Variants in C1orf21 observed in about 807,000 individuals in gnomAD.
C1orf21 encodes chromosome 1 open reading frame 21.
In C1orf21, 3 loss-of-function variants were observed where a neutral mutation model predicts 18.7. That is an observed-to-expected ratio of 0.16 (90% CI 0.07 to 0.42). The LOEUF (loss-of-function observed/expected upper bound fraction) is 0.42, where lower values mean the gene tolerates loss of function less well. C1orf21 is among the 10% of genes least tolerant of loss of function. C1orf21 has a pLI of 0.99. For synonymous variants in C1orf21, 41 were observed against 46.4 expected, an observed-to-expected ratio of 0.88 and a Z score of 0.47; for missense variants, 104 against 143.6, an observed-to-expected ratio of 0.72 and a Z score of 1.41.
rs541224230 is a variant in C1orf21, at chr1:184,567,637, G to A, written c.190-23102G>A. 376 of 419,926 alleles carry A rather than the reference G, an allele frequency of 9.0e-4. 1 individual carries two copies. Among genetic ancestry groups the A allele is most frequent in the Middle Eastern group, 2.3e-3 (3 of 1,326 alleles). The allele number at this position is 419,926 out of a possible 1,614,324, so 26.0% of individuals were successfully genotyped here. On this transcript the variant is annotated intron_variant, in intron 3 of 5. Transcript: ENST00000235307. ...GGCAGTGGAGGATGCTAGGCAGACT[G>A]CAGCCTACAATGGCATCACCAGCTT... is the stretch of plus-strand genomic sequence containing the variant.
intron 3 of C1orf21, among the ~76,000 whole-genome samples, chr1:184,518,841 G>A (rs1014342633): frequency 2.2e-4 from 33 of 152,190 alleles, no homozygotes; most frequent in African/African-American, 7.7e-4. Flanking sequence ...GTGAGTCTCT[G>A]ATGGAGGTTC....
At chr1:184,492,472 G>GA (rs1281855633) in intron 2 of C1orf21, among the ~76,000 whole-genome samples, 7 of 152,146 alleles carry the variant, frequency 4.6e-5, no homozygotes, top group Admixed American at 2.0e-4. Context: ...ATTGCTCTCA[G>GA]AAAAAAATGG....
At chr1:184,399,895 A>G (rs888283276) in intron 1 of C1orf21, among the ~76,000 whole-genome samples, 1 of 152,154 alleles carries the variant, frequency 6.6e-6, no homozygotes, top group African/African-American at 2.4e-5. Context: ...AACATCAACT[A>G]TTTGTTACCC....
At chr1:184,434,982 A>G (rs1435691586) in intron 1 of C1orf21, among the ~76,000 whole-genome samples, 1 of 152,218 alleles carries the variant, frequency 6.6e-6, no homozygotes, top group Non-Finnish European at 1.5e-5. Flanking sequence ...TTACGTTATT[A>G]CGGTAGTGGG....
chr1:184,503,502 G>A (rs1001583825), intron 2 of C1orf21, among the ~76,000 whole-genome samples: 2 of 151,954 alleles, frequency 1.3e-5, no homozygotes, highest in African/African-American at 4.8e-5. Context: ...GCTGTCCTCC[G>A]TCCCCTCTCC....
intron 3 of C1orf21, among the ~76,000 whole-genome samples, chr1:184,538,932 A>G (rs1658602074): frequency 6.6e-6 from 1 of 152,232 alleles, no homozygotes; most frequent in African/African-American, 2.4e-5. Context: ...ACATAAGATT[A>G]TATTACTTGC....
intron 3 of C1orf21, among the ~76,000 whole-genome samples, chr1:184,548,196 T>C (rs914635957): frequency 6.7e-6 from 1 of 148,930 alleles, no homozygotes; most frequent in South Asian, 2.1e-4. Flanking sequence ...AGTATAGTAA[T>C]CCATATCTCA....
In C1orf21 at chr1:184,623,822, T is replaced by A. The variant is rs1004238482; in HGVS notation, c.*4266T>A. The A allele has an allele frequency of 1.3e-5, 2 of 152,628 alleles. No individual in the cohort carries two copies. Among genetic ancestry groups the A allele is most frequent in the Non-Finnish European group, 2.9e-5 (2 of 68,024 alleles). The allele number at this position is 152,628 out of a possible 1,614,324, so 9.5% of individuals were successfully genotyped here. A position where few individuals can be genotyped will look rare whatever the true frequency, so the allele number is the denominator to read the frequency against. On this transcript the variant is annotated 3_prime_UTR_variant, in exon 6 of 6. Transcript: ENST00000235307. Reference sequence around the variant, plus strand: ...AGGGGTCAAAAAACTATGGTAAAGATGAGGCTTATGAGTGAATACCTCTGG... The same window carrying A: ...AGGGGTCAAAAAACTATGGTAAAGAAGAGGCTTATGAGTGAATACCTCTGG...
chr1:184,531,229 C>A (rs1658457825), intron 3 of C1orf21, among the ~76,000 whole-genome samples: 2 of 152,096 alleles, frequency 1.3e-5, no homozygotes, highest in Non-Finnish European at 2.9e-5. Context: ...TTGGTGTTAA[C>A]TTCTGGAAAA....
chr1:184,523,425 A>G (rs1175577365), intron 3 of C1orf21, among the ~76,000 whole-genome samples: 2 of 152,194 alleles, frequency 1.3e-5, no homozygotes, highest in African/African-American at 4.8e-5. Context: ...CATTCTACAA[A>G]ATATCTGACT....
chr1:184,502,438 G>A (rs1016620644), intron 2 of C1orf21, among the ~76,000 whole-genome samples: 3 of 151,884 alleles, frequency 2.0e-5, no homozygotes, highest in African/African-American at 4.8e-5. Flanking sequence ...TGGAGGGAAC[G>A]TCAACATTCA....
chr1:184,405,308 A>G (rs1332248127), intron 1 of C1orf21, among the ~76,000 whole-genome samples: 1 of 151,424 alleles, frequency 6.6e-6, no homozygotes, highest in South Asian at 2.1e-4. Context: ...CAATCCTCCC[A>G]CTGTAGCCTC....
At chr1:184,445,400 T>C (rs1571360972) in intron 1 of C1orf21, among the ~76,000 whole-genome samples, 2 of 150,794 alleles carry the variant, frequency 1.3e-5, no homozygotes, top group African/African-American at 2.5e-5. Flanking sequence ...CCTTCTCCTT[T>C]CTTCTGTCTA....
chr1:184,406,310 G>T (rs1656248083), intron 1 of C1orf21, among the ~76,000 whole-genome samples: 1 of 152,152 alleles, frequency 6.6e-6, no homozygotes, highest in Non-Finnish European at 1.5e-5. Flanking sequence ...TAACAACAAT[G>T]CTGGGGCTCT....
intron 1 of C1orf21, chr1:184,412,146 T>C (rs1656365344): frequency 6.6e-6 from 1 of 152,250 alleles, no homozygotes. Context: ...TCCTGTCAGC[T>C]AAAACAAGGA....
intron 3 of C1orf21, among the ~76,000 whole-genome samples, chr1:184,523,640 T>C (rs1437437217): frequency 6.6e-6 from 1 of 152,200 alleles, no homozygotes; most frequent in Non-Finnish European, 1.5e-5. Context: ...GTGTATTATC[T>C]AATGTCAGAT....
At chr1:184,432,527 G>C (rs760555101) in intron 1 of C1orf21, among the ~76,000 whole-genome samples, 7 of 152,122 alleles carry the variant, frequency 4.6e-5, no homozygotes, top group Non-Finnish European at 7.3e-5. Context: ...TGCAGGGTAG[G>C]GGCTAGGGGA....
At chr1:184,567,520 C>A in intron 3 of C1orf21, 1 of 529,438 alleles carries the variant, frequency 1.9e-6, no homozygotes. Flanking sequence ...ACTCTAACAC[C>A]ATCCTCCTTG....
intron 2 of C1orf21, among the ~76,000 whole-genome samples, chr1:184,502,767 C>T (rs1657996252): frequency 6.6e-6 from 1 of 152,028 alleles, no homozygotes; most frequent in Non-Finnish European, 1.5e-5. Context: ...TTTAACAAAT[C>T]ATATTTTTAG....
Sources: allele counts gnomAD v4.1 joint callset (sites outside exome capture counted in the v4.1 genomes callset), GRCh38; gene constraint gnomAD v4.1.1; transcripts MANE v1.5; gene names NCBI Gene and HGNC (gene_info 2026-07-23, HGNC 2026-07-21).